Variants in ARF5 observed in about 807,000 individuals in gnomAD.
The protein encoded by ARF5 is ADP-ribosylation factor 5.
In ARF5, 10 loss-of-function variants were observed where a neutral mutation model predicts 24.8. The ratio of observed to expected loss-of-function variants is 0.40; its 90% CI spans 0.25 to 0.68. The LOEUF (loss-of-function observed/expected upper bound fraction) is 0.68, where lower values mean the gene tolerates loss of function less well. Among genes scored for constraint, ARF5 ranks in the 30% least tolerant of loss-of-function variants. The probability of loss-of-function intolerance (pLI) is 0.36; values close to 1 mark genes in which losing one functional copy is unlikely to be tolerated. For missense variants in ARF5, 135 were observed against 239.2 expected (o/e 0.56, Z 2.87); for synonymous variants, 102 against 95.1 (o/e 1.07, Z -0.42).
intron 3 of ARF5, 113 bp from the exon 4 acceptor site, chr7:127,589,953 T>G: frequency 1.0e-6 from 1 of 962,546 alleles, no homozygotes; most frequent in Non-Finnish European, 1.7e-6. Context: ...TAGAGTTTAC[T>G]AGATGAGAAG....
chr7:127,589,035 G>A (rs757968052), intron 1 of ARF5, 48 bp from the exon 2 acceptor site: 3 of 1,603,156 alleles, frequency 1.9e-6, no homozygotes, highest in Non-Finnish European at 2.6e-6. Flanking sequence ...TGGTCTCTAG[G>A]GGGCTCCCTC....
At chr7:127,589,714 C>T in intron 3 of ARF5, 120 bp downstream of exon 3, 1 of 744,458 alleles carries the variant, frequency 1.3e-6, no homozygotes, top group South Asian at 1.8e-5. Context: ...CCACTTCTAC[C>T]CCTTCTGTTT....
intron 3 of ARF5, chr7:127,589,841 T>A (rs191752924): frequency 3.3e-6 from 2 of 609,614 alleles, no homozygotes; most frequent in African/African-American, 3.7e-5. Context: ...CATGTCTTTA[T>A]TTCCTTGCAC....
chr7:127,588,931 C>A, intron 1 of ARF5, 152 bp from the exon 2 acceptor site: 1 of 873,182 alleles, frequency 1.1e-6, no homozygotes, highest in East Asian at 2.6e-5. Context: ...CCCGACTGCC[C>A]TCCAGGCCTC....
intron 4 of ARF5, 36 bp from the exon 5 acceptor site, chr7:127,590,927 G>A (rs1408573884): frequency 1.5e-5 from 24 of 1,596,228 alleles, no homozygotes; most frequent in East Asian, 2.2e-5. Flanking sequence ...TAGAGGAGAC[G>A]CAGCCTGGGT....
intron 1 of ARF5, chr7:127,588,872 C>T (rs550577554): frequency 2.0e-4 from 123 of 609,332 alleles, no homozygotes; most frequent in Admixed American, 9.3e-4. Context: ...TGCCCCTTGC[C>T]TCCCAGTCCT....
chr7:127,589,342 T>C (rs369633765), intron 2 of ARF5, 143 bp from the exon 3 acceptor site: 5 of 1,042,074 alleles, frequency 4.8e-6, no homozygotes, highest in African/African-American at 4.8e-5. Flanking sequence ...AGCCCCGCCC[T>C]GTTGACCGCC....
At position 127,590,876 on chromosome 7, in the gene ARF5, A is replaced by G. The variant is rs1794276646; in HGVS notation, c.331-87A>G. 5.4e-6 allele frequency: 8 copies of G among 1,495,006 alleles called. No individual in the cohort carries two copies. The African/African-American group carries it at 5.6e-5, about 11-fold the overall frequency. The allele number at this position is 1,495,006 out of a possible 1,614,324, so 92.6% of individuals were successfully genotyped here. A position where few individuals can be genotyped will look rare whatever the true frequency, so the allele number is the denominator to read the frequency against. Reference sequence around the variant, plus strand: ...GACTGCACAATACTTTTTTTTTCCAATCAAGATGCTAGGAGGTAGAAAGGG... The same window carrying G: ...GACTGCACAATACTTTTTTTTTCCAGTCAAGATGCTAGGAGGTAGAAAGGG... On this transcript the variant is annotated intron_variant, in intron 4 of 5. Coordinates refer to ENST00000000233, the MANE Select transcript of ARF5 (RefSeq NM_001662.4).
At chr7:127,588,921 C>CCCGACTGCCCTCCA in intron 1 of ARF5, 162 bp from the exon 2 acceptor site, 1 of 793,752 alleles carries the variant, frequency 1.3e-6, no homozygotes, top group Non-Finnish European at 2.0e-6. Flanking sequence ...GCTCACGCCA[C>CCCGACTGCCCTCCA]CCGACTGCCC....
In ARF5 at chr7:127,588,429, A is replaced by G; in HGVS notation, c.-70A>G. On this transcript the variant is annotated 5_prime_UTR_variant, in exon 1 of 6. Transcript: ENST00000000233. The stretch of plus-strand genomic sequence containing the variant: ...CCTCCTCCTGCTGCTGCTGCGCCCC[A>G]TCCCCCCGCGGCCGGCCAGTTCCAG... 2 of 1,036,844 alleles carry G rather than the reference A, an allele frequency of 1.9e-6. No homozygotes were observed. The highest frequency in any genetic ancestry group is 1.3e-6 in the Non-Finnish European group (1 of 793,916). The allele number at this position is 1,036,844 out of a possible 1,614,324, so 64.2% of individuals were successfully genotyped here. A position where few individuals can be genotyped will look rare whatever the true frequency, so the allele number is the denominator to read the frequency against.
At chr7:127,588,684 A>G (rs1794240335) in intron 1 of ARF5, 119 bp downstream of exon 1, 32 of 976,960 alleles carry the variant, frequency 3.3e-5, no homozygotes, top group Non-Finnish European at 4.4e-5. Flanking sequence ...CCCACCTCAT[A>G]ACGCCCCGGG....
intron 1 of ARF5, 153 bp from the exon 2 acceptor site, chr7:127,588,930 C>A: frequency 5.9e-6 from 5 of 844,962 alleles, no homozygotes; most frequent in Non-Finnish European, 7.5e-6. Flanking sequence ...ACCCGACTGC[C>A]CTCCAGGCCT....
intron 3 of ARF5, 165 bp downstream of exon 3, chr7:127,589,759 A>T: frequency 1.6e-6 from 1 of 623,920 alleles, no homozygotes; most frequent in Admixed American, 3.0e-5. Flanking sequence ...AACTCACCTT[A>T]GTCTTCCCCA....
At position 127,589,119 on chromosome 7, in the gene ARF5, A is replaced by G; in HGVS notation, c.104A>G (p.Tyr35Cys). The G allele has an allele frequency of 6.2e-7, 1 of 1,614,196 alleles. No individual in the cohort carries two copies. The highest frequency in any genetic ancestry group is 8.5e-7 in the Non-Finnish European group (1 of 1,180,034). ...LDAAGKTTIL[Y>C]KLKLGEIVTT... ...GCGGCTGGCAAGACCACAATCCTGTACAAACTGAAGTTGGGGGAGATTGTC... is the reference window on the plus strand; with the variant it reads ...GCGGCTGGCAAGACCACAATCCTGTGCAAACTGAAGTTGGGGGAGATTGTC... Residue 35 changes from tyrosine (Y) to cysteine (C), a missense_variant, in exon 2 of 6, where the codon TAC becomes TGC. Coordinates refer to ENST00000000233, the MANE Select transcript of ARF5 (RefSeq NM_001662.4).
Position 127,591,426 on chromosome 7 carries a change from C to A in ARF5, c.*127C>A. ...CCTCCCCCATAGCCACAGGCCTCTGCTCCTGCTCCTGCCTGCATGTTCTCT... is the reference window on the plus strand; with the variant it reads ...CCTCCCCCATAGCCACAGGCCTCTGATCCTGCTCCTGCCTGCATGTTCTCT... On this transcript the variant is annotated 3_prime_UTR_variant, in exon 6 of 6. Transcript: ENST00000000233. 1 of 755,044 alleles carries A rather than the reference C, an allele frequency of 1.3e-6. No individual in the cohort carries two copies. The highest frequency in any genetic ancestry group is 2.0e-6 in the Non-Finnish European group (1 of 488,872). The allele number at this position is 755,044 out of a possible 1,614,324, so 46.8% of individuals were successfully genotyped here.
chr7:127,590,261 G>A, intron 4 of ARF5, 124 bp downstream of exon 4: 1 of 770,744 alleles, frequency 1.3e-6, no homozygotes, highest in South Asian at 1.5e-5. Flanking sequence ...TTTTCTTTGT[G>A]GACAGACACA....
chr7:127,590,953 C>T lies in ARF5; in HGVS notation c.331-10C>T, dbSNP rs1352126247. 11 of 1,610,936 alleles carry T rather than the reference C, an allele frequency of 6.8e-6. No homozygotes were observed. In the African/African-American group the frequency reaches 9.4e-5, roughly 14 times the overall value. On this transcript the variant is annotated splice_polypyrimidine_tract_variant and intron_variant, in intron 4 of 5. Coordinates refer to ENST00000000233, the MANE Select transcript of ARF5 (RefSeq NM_001662.4). ...CAGCCTGGGTCCCACCTTCTCTTCT[C>T]CTCTCTCAGCTGCAGGAGGACGAGC...
chr7:127,591,692 T>C lies in ARF5; in HGVS notation c.*393T>C, dbSNP rs1794290610. The C allele has an allele frequency of 3.4e-6, 1 of 298,454 alleles. No individual in the cohort carries two copies. The highest frequency in any genetic ancestry group is 2.9e-5 in the South Asian group (1 of 34,882). 18.5% of individuals were successfully genotyped at this position (298,454 alleles called of 1,614,324 possible). On this transcript the variant is annotated 3_prime_UTR_variant, in exon 6 of 6. Transcript: ENST00000000233. ...TGGATCTTGAGTAATAAATTTGCTG[T>C]GGTTTGTACACGGTGTTGTCTGTAG... is the stretch of plus-strand genomic sequence containing the variant.
chr7:127,588,651 C>G (rs1377555776), intron 1 of ARF5, 86 bp downstream of exon 1: 2 of 1,218,454 alleles, frequency 1.6e-6, no homozygotes, highest in African/African-American at 1.6e-5. Flanking sequence ...GCCCCGCTCA[C>G]CTGGGTCTCT....
Sources: allele counts gnomAD v4.1 joint callset, GRCh38; gene constraint gnomAD v4.1.1; transcripts MANE v1.5; gene names NCBI Gene and HGNC (gene_info 2026-07-23, HGNC 2026-07-21).